The following IKBKE variants were observed in gnomAD, a reference collection of about 807,000 sequenced individuals.
IKBKE encodes inhibitor of nuclear factor kappa B kinase subunit epsilon.
Under a neutral mutation model 92.1 loss-of-function variants are expected in IKBKE, and 45 were observed. The ratio of observed to expected loss-of-function variants is 0.49; its 90% CI spans 0.38 to 0.63. IKBKE has a LOEUF of 0.63. Ranked by LOEUF, IKBKE falls within the 20% of genes least tolerant of loss-of-function variation. The probability of loss-of-function intolerance (pLI) is 0.00; values close to 1 mark genes in which losing one functional copy is unlikely to be tolerated. For missense variants in IKBKE, 700 were observed against 932.8 expected (o/e 0.75, Z 3.25); for synonymous variants, 374 against 380.3 (o/e 0.98, Z 0.19).
In IKBKE at chr1:206,490,034, G is replaced by A. The variant is rs1354369585; in HGVS notation, c.1694-785G>A. ...TGATGGATAAGGAGACAGGCTCAGC[G>A]AAGTGAAATCACTCGCCTAGTGCCG... On this transcript the variant is annotated intron_variant, in intron 16 of 21. Transcript: ENST00000581977. The surrounding 1 kb of genome is among the most constrained non-coding windows in gnomAD (Gnocchi z 5.2). Among the ~76,000 whole-genome samples the A allele has an allele frequency of 2.0e-5, 3 of 152,212 alleles. No individual in the cohort carries two copies. Among genetic ancestry groups the A allele is most frequent in the Admixed American group, 6.5e-5 (1 of 15,282 alleles).
intron 20 of IKBKE, 111 bp downstream of exon 20, chr1:206,493,489 G>A (rs1386867341): frequency 7.6e-6 from 6 of 792,980 alleles, no homozygotes; most frequent in Non-Finnish European, 1.2e-5. Flanking sequence ...GGCCTAGGAG[G>A]CAAGATTAAA....
At position 206,489,394 on chromosome 1, in the gene IKBKE, TATATATAC is replaced by T. The variant is rs1224196125; in HGVS notation, c.1693+1406_1693+1413del. ...GTATATATATATATATATATATATATATATATACACACACACACATACATGGAGCTGTG... is the reference window on the plus strand; with the variant it reads ...GTATATATATATATATATATATATATACACACACACATACATGGAGCTGTG... On this transcript the variant is annotated intron_variant, in intron 16 of 21. Transcript: ENST00000581977. Among the ~76,000 whole-genome samples the T allele has an allele frequency of 3.6e-4, 49 of 135,930 alleles. No homozygotes were observed. The South Asian group carries it at 4.1e-3, about 11-fold the overall frequency. 89.2% of individuals were successfully genotyped at this position (135,930 alleles called of 152,430 possible). A position where few individuals can be genotyped will look rare whatever the true frequency, so the allele number is the denominator to read the frequency against.
Position 206,485,398 on chromosome 1 carries a change from G to A in IKBKE, c.1616+92G>A. 1 of 754,596 alleles carries A rather than the reference G, an allele frequency of 1.3e-6. No homozygotes were observed. Among genetic ancestry groups the A allele is most frequent in the Non-Finnish European group, 2.3e-6 (1 of 425,810 alleles). The allele number at this position is 754,596 out of a possible 1,614,324, so 46.7% of individuals were successfully genotyped here. ...CCTTTAGCCTTTTAGACGTCAGCTT[G>A]CATTCCCCTTTCTCTTGGCAAGGGT... On this transcript the variant is annotated intron_variant, in intron 15 of 21. Transcript: ENST00000581977. The surrounding 1 kb of genome is among the most constrained non-coding windows in gnomAD (Gnocchi z 5.0).
chr1:206,493,904 C>A lies in IKBKE; in HGVS notation c.2046-16C>A. The A allele has an allele frequency of 6.2e-7, 1 of 1,613,150 alleles. No individual in the cohort carries two copies. Among genetic ancestry groups the A allele is most frequent in the Non-Finnish European group, 8.5e-7 (1 of 1,179,394 alleles). ...CTTCCAGCCTCAGCCGCCTCTCCTGCCTCTGCCTTGGGCAGCATGCAAGAG... is the reference window on the plus strand; with the variant it reads ...CTTCCAGCCTCAGCCGCCTCTCCTGACTCTGCCTTGGGCAGCATGCAAGAG... On this transcript the variant is annotated splice_polypyrimidine_tract_variant and intron_variant, in intron 20 of 21. Transcript: ENST00000581977.
At chr1:206,482,947 G>A (rs2103468295) in intron 13 of IKBKE, among the ~76,000 whole-genome samples, 1 of 152,368 alleles carries the variant, frequency 6.6e-6, no homozygotes, top group East Asian at 1.9e-4. Context: ...CCATCCTGGT[G>A]ACCCACCTCT....
chr1:206,495,393 G>C (rs550228688), intron 21 of IKBKE, among the ~76,000 whole-genome samples: 45 of 152,302 alleles, frequency 3.0e-4, no homozygotes, highest in Middle Eastern at 3.4e-3. Context: ...TTGCGCATAG[G>C]GGGGTGTGGA....
intron 3 of IKBKE, among the ~76,000 whole-genome samples, chr1:206,473,960 C>CA (rs58205740): frequency 0.13 from 7,726 of 61,778 alleles, 745 homozygotes; most frequent in East Asian, 0.52. Context: ...GGCTCCGTCT[C>CA]AAAAAAAAAA....
intron 3 of IKBKE, 103 bp downstream of exon 3, chr1:206,473,417 A>T (rs1398122866): frequency 1.3e-6 from 1 of 794,644 alleles, no homozygotes; most frequent in Non-Finnish European, 2.1e-6. Flanking sequence ...GGGTGGTGGG[A>T]CAGGGACCTC....
chr1:206,486,111 G>T (rs974963119), intron 15 of IKBKE, among the ~76,000 whole-genome samples: 1 of 152,236 alleles, frequency 6.6e-6, no homozygotes. Flanking sequence ...ATCGAATGAG[G>T]CTCTTTATAG....
intron 10 of IKBKE, among the ~76,000 whole-genome samples, chr1:206,479,624 G>A (rs1412870161): frequency 6.6e-6 from 1 of 152,192 alleles, no homozygotes; most frequent in Non-Finnish European, 1.5e-5. Flanking sequence ...GTGGACAAGA[G>A]GGTGATTTAG....
rs782583873 is a variant in IKBKE at position 206,478,137 on chromosome 1, G to A, written c.813-23G>A. The A allele has an allele frequency of 6.2e-7, 1 of 1,609,544 alleles. No individual in the cohort carries two copies. The highest frequency in any genetic ancestry group is 1.1e-5 in the South Asian group (1 of 90,948). On this transcript the variant is annotated intron_variant, in intron 8 of 21. Coordinates refer to ENST00000581977, the MANE Select transcript of IKBKE (RefSeq NM_014002.4). The surrounding 1 kb of genome is among the most constrained non-coding windows in gnomAD (Gnocchi z 4.8). ...TAGGTCTGGGCCCCCACCCCTGACA[G>A]TCTCCATGTCCTGGGAGGGCAGGGG... is the stretch of plus-strand genomic sequence containing the variant.
rs1665891973 is a variant in IKBKE at position 206,490,528 on chromosome 1, T to C, written c.1694-291T>C. Reference sequence around the variant, plus strand: ...TTCTAAGCCCACTTCATCCACCAACTCCCACCTGAAGCATCCCCCACGTCC... The same window carrying C: ...TTCTAAGCCCACTTCATCCACCAACCCCCACCTGAAGCATCCCCCACGTCC... On this transcript the variant is annotated intron_variant, in intron 16 of 21. Coordinates refer to ENST00000581977, the MANE Select transcript of IKBKE (RefSeq NM_014002.4). This position sits in a 1 kb window ranked among gnomAD's most constrained non-coding sequence, Gnocchi z 5.2. Among the ~76,000 whole-genome samples, 1 of 152,076 alleles carries C rather than the reference T, an allele frequency of 6.6e-6. No individual in the cohort carries two copies. Among genetic ancestry groups the C allele is most frequent in the African/African-American group, 2.4e-5 (1 of 41,408 alleles).
In IKBKE at chr1:206,476,222, C is replaced by A. The variant is rs1665053592; in HGVS notation, c.400C>A (p.Arg134Ser). The A allele has an allele frequency of 6.2e-7, 1 of 1,614,128 alleles. No homozygotes were observed. The highest frequency in any genetic ancestry group is 8.5e-7 in the Non-Finnish European group (1 of 1,180,022). ...NHLRENGIVH[R>S]DIKPGNIMRL... Reference sequence around the variant, plus strand: ...CCTGCGGGAGAACGGCATTGTGCATCGCGACATCAAGCCGGGGAACATCAT... The same window carrying A: ...CCTGCGGGAGAACGGCATTGTGCATAGCGACATCAAGCCGGGGAACATCAT... The change falls in exon 6 of 22, where the codon CGC becomes AGC. Residue 134 changes from arginine to serine, a missense_variant. By Grantham distance (110) the Arg-to-Ser change is moderately radical. Coordinates refer to ENST00000581977, the MANE Select transcript of IKBKE (RefSeq NM_014002.4). This position sits in a 1 kb window ranked among gnomAD's most constrained non-coding sequence, Gnocchi z 5.1.
chr1:206,491,808 A>T, intron 18 of IKBKE, 59 bp downstream of exon 18: 1 of 1,254,122 alleles, frequency 8.0e-7, no homozygotes, highest in Non-Finnish European at 1.2e-6. Context: ...TCTAGGCTTC[A>T]GAGGACCCAG....
chr1:206,493,863 G>C (rs1443999012), intron 20 of IKBKE, 57 bp from the exon 21 acceptor site: 1 of 1,447,088 alleles, frequency 6.9e-7, no homozygotes, highest in Non-Finnish European at 9.7e-7. Flanking sequence ...CCAGGAAAAG[G>C]GTCTGGGCAG....
chr1:206,476,910 T>A lies in IKBKE; in HGVS notation c.701+72T>A. 6.4e-7 allele frequency: 1 copy of A among 1,550,928 alleles called. No homozygotes were observed. The highest frequency in any genetic ancestry group is 8.9e-7 in the Non-Finnish European group (1 of 1,129,356). ...TGGCCCTTCCCCCACCGGTCCTTGC[T>A]GTGTCTTCTGGTCCCCTCACACTCC... On this transcript the variant is annotated intron_variant, in intron 7 of 21. Coordinates refer to ENST00000581977, the MANE Select transcript of IKBKE (RefSeq NM_014002.4). This position sits in a 1 kb window ranked among gnomAD's most constrained non-coding sequence, Gnocchi z 5.1.
rs528527782 is a variant in IKBKE at position 206,479,791 on chromosome 1, G to A, written c.1184-79G>A. 1.1e-4 allele frequency: 162 copies of A among 1,423,652 alleles called. 1 individual carries two copies. In the South Asian group the frequency reaches 1.7e-3, roughly 15 times the overall value. 88.2% of individuals were successfully genotyped at this position (1,423,652 alleles called of 1,614,324 possible). ...GTGGGAGATTGGCAGTGAGGGGTGA[G>A]TGTGAGCTGGAAATAATGAAAGATA... On this transcript the variant is annotated intron_variant, in intron 10 of 21. Coordinates refer to ENST00000581977, the MANE Select transcript of IKBKE (RefSeq NM_014002.4).
chr1:206,494,867 G>C (rs1293073652), intron 21 of IKBKE, among the ~76,000 whole-genome samples: 1 of 151,550 alleles, frequency 6.6e-6, no homozygotes, highest in African/African-American at 2.4e-5. Context: ...GCCTCCCAAA[G>C]TGCTGGGATT....
chr1:206,494,062 G>A, intron 21 of IKBKE, 71 bp downstream of exon 21: 1 of 1,331,218 alleles, frequency 7.5e-7, no homozygotes, highest in Non-Finnish European at 1.1e-6. Flanking sequence ...GTGGTGAAGA[G>A]TCCCCAAGCC....
Sources: gnomAD v4.1 joint callset for allele counts (sites outside exome capture counted in the v4.1 genomes callset) on GRCh38, gnomAD v4.1.1 for gene constraint, Gnocchi (gnomAD v3.1) non-coding constraint, MANE v1.5 for transcripts, NCBI Gene and HGNC (gene_info 2026-07-23, HGNC 2026-07-21) for gene names.